NPFFR2: variants seen among roughly 807,000 people sequenced by gnomAD.
NPFFR2 encodes the protein neuropeptide FF receptor 2.
A neutral mutation model predicts 13.1 loss-of-function variants in NPFFR2; 15 were observed. The ratio of observed to expected loss-of-function variants is 1.15; its 90% CI spans 0.77 to 1.76. The LOEUF is 1.76. Among genes scored for constraint, NPFFR2 ranks in the 40% most tolerant of loss-of-function variants. NPFFR2 has a pLI of 0.00. For missense variants in NPFFR2, 572 were observed against 503.5 expected (o/e 1.14, Z -1.30); for synonymous variants, 190 against 175.7 (o/e 1.08, Z -0.65).
At chr4:72,048,490 A>G (rs943207243) in intron 1 of NPFFR2, among the ~76,000 whole-genome samples, 12 of 152,104 alleles carry the variant, frequency 7.9e-5, no homozygotes, top group African/African-American at 2.7e-4. Flanking sequence ...CACAATATAC[A>G]TATATGCCTG....
intron 1 of NPFFR2, among the ~76,000 whole-genome samples, chr4:72,104,387 A>G (rs1004782901): frequency 2.6e-5 from 4 of 152,118 alleles, no homozygotes; most frequent in Admixed American, 1.3e-4. Context: ...CAGAGCAACC[A>G]TATTCCAACT....
Position 72,073,079 on chromosome 4 carries a change from A to T in NPFFR2, c.-8+40879A>T, listed in dbSNP as rs976544128. ...ATGCCATCTACAAGAGACTCATTTT[A>T]GATCCAGAAGGCAGTGGACTGATAT... On this transcript the variant is annotated intron_variant, in intron 1 of 3. Transcript: ENST00000308744. 2.0e-5 allele frequency among the ~76,000 whole-genome samples: 3 copies of T among 152,212 alleles called. No individual in the cohort carries two copies. The East Asian group carries it at 5.8e-4, about 29-fold the overall frequency.
chr4:72,056,335 G>T (rs549908860), intron 1 of NPFFR2, among the ~76,000 whole-genome samples: 2 of 152,102 alleles, frequency 1.3e-5, no homozygotes, highest in South Asian at 4.1e-4. Flanking sequence ...TTTGATGACA[G>T]CACTTCTGTT....
chr4:72,093,087 T>G (rs930867823), intron 1 of NPFFR2, among the ~76,000 whole-genome samples: 8 of 152,222 alleles, frequency 5.3e-5, no homozygotes, highest in Non-Finnish European at 1.2e-4. Flanking sequence ...TCCTCATTTA[T>G]GAAGCTCAGT....
intron 1 of NPFFR2, among the ~76,000 whole-genome samples, chr4:72,075,226 A>G (rs912632280): frequency 6.6e-6 from 1 of 152,094 alleles, no homozygotes; most frequent in African/African-American, 2.4e-5. Flanking sequence ...ACCATGCTGG[A>G]TGCTTCCTGC....
intron 2 of NPFFR2, among the ~76,000 whole-genome samples, chr4:72,134,200 G>T (rs1722338014): frequency 6.6e-6 from 1 of 152,142 alleles, no homozygotes; most frequent in South Asian, 2.1e-4. Flanking sequence ...TGGAGGTGAG[G>T]TTGCAGTGAG....
chr4:72,058,837 G>T (rs532001239), intron 1 of NPFFR2, among the ~76,000 whole-genome samples: 1 of 151,938 alleles, frequency 6.6e-6, no homozygotes, highest in Non-Finnish European at 1.5e-5. Flanking sequence ...AGGCACAGCA[G>T]CTCACACCAC....
At chr4:72,091,502 A>G (rs907426871) in intron 1 of NPFFR2, among the ~76,000 whole-genome samples, 60 of 151,776 alleles carry the variant, frequency 4.0e-4, no homozygotes, top group African/African-American at 1.4e-3. Flanking sequence ...CCAATTTACC[A>G]CTGCTCACTG....
intron 1 of NPFFR2, among the ~76,000 whole-genome samples, chr4:72,070,174 A>T (rs564721208): frequency 3.3e-5 from 5 of 152,270 alleles, no homozygotes; most frequent in Admixed American, 3.3e-4. Context: ...TAACCACTAC[A>T]CTAAATTTTC....
At chr4:72,124,860 G>T (rs1018611726) in intron 1 of NPFFR2, among the ~76,000 whole-genome samples, 10 of 151,942 alleles carry the variant, frequency 6.6e-5, no homozygotes, top group African/African-American at 2.4e-4. Context: ...ACATAGGCAT[G>T]GGCAAGGACT....
chr4:72,049,353 A>G (rs6816570), intron 1 of NPFFR2, among the ~76,000 whole-genome samples: 136,229 of 151,796 alleles, frequency 0.9, 62,222 homozygotes, highest in Non-Finnish European at 0.99. Context: ...TAAAAGACAT[A>G]TATGTGTTCC....
At chr4:72,132,680 T>C (rs1722286832) in intron 2 of NPFFR2, among the ~76,000 whole-genome samples, 1 of 152,232 alleles carries the variant, frequency 6.6e-6, no homozygotes, top group Non-Finnish European at 1.5e-5. Context: ...GACTTTTTAA[T>C]AGTAGCCACT....
In NPFFR2 at chr4:72,125,489, A is replaced by G. The variant is rs560171942; in HGVS notation, c.-7-3096A>G. On this transcript the variant is annotated intron_variant, in intron 1 of 3. Transcript: ENST00000308744. ...AGTGCGGTACCAAGTTGTCACACTT[A>G]GTGTCTAAAATAGCACACATTTGTT... Among the ~76,000 whole-genome samples, 6 of 152,346 alleles carry G rather than the reference A, an allele frequency of 3.9e-5. No homozygotes were observed. The South Asian group carries it at 1.2e-3, about 32-fold the overall frequency.
chr4:72,104,825 C>T (rs1721372840), intron 1 of NPFFR2, among the ~76,000 whole-genome samples: 1 of 151,796 alleles, frequency 6.6e-6, no homozygotes, highest in East Asian at 1.9e-4. Context: ...ATGAAATATA[C>T]ATTCATATAC....
chr4:72,087,707 G>A (rs899767216), intron 1 of NPFFR2, among the ~76,000 whole-genome samples: 11 of 152,038 alleles, frequency 7.2e-5, no homozygotes, highest in African/African-American at 2.2e-4. Flanking sequence ...GAACTTTGCT[G>A]CTTTTTAGAA....
chr4:72,122,078 C>CAA (rs927448223), intron 1 of NPFFR2, among the ~76,000 whole-genome samples: 1 of 142,434 alleles, frequency 7.0e-6, no homozygotes, highest in African/African-American at 2.6e-5. Context: ...AAATGAAAAG[C>CAA]AAAAAAAAAA....
chr4:72,131,858 A>T (rs760298682), intron 2 of NPFFR2, among the ~76,000 whole-genome samples: 1 of 152,100 alleles, frequency 6.6e-6, no homozygotes, highest in East Asian at 1.9e-4. Flanking sequence ...CAAAAACTGT[A>T]TGTGTGAACA....
intron 1 of NPFFR2, among the ~76,000 whole-genome samples, chr4:72,126,702 T>C (rs12651098): frequency 0.26 from 39,548 of 152,080 alleles, 6,307 homozygotes; most frequent in Admixed American, 0.34. Context: ...CACTTGATCA[T>C]CCTCCAAGAA....
intron 1 of NPFFR2, among the ~76,000 whole-genome samples, chr4:72,070,418 A>G (rs1720209182): frequency 6.6e-6 from 1 of 152,116 alleles, no homozygotes; most frequent in South Asian, 2.1e-4. Context: ...TTTAAAGGAA[A>G]AATGAGGAGG....
Sources: gnomAD v4.1 joint callset for allele counts (sites outside exome capture counted in the v4.1 genomes callset) on GRCh38, gnomAD v4.1.1 for gene constraint, MANE v1.5 for transcripts, NCBI Gene and HGNC (gene_info 2026-07-23, HGNC 2026-07-21) for gene names.